Variants in CYP20A1 observed in about 807,000 individuals in gnomAD.
The protein encoded by CYP20A1 is cytochrome P450 20A1.
CYP20A1 carries 61 observed loss-of-function variants against 61.4 expected under a neutral mutation model. That is an observed-to-expected ratio of 0.99 (90% CI 0.81 to 1.23). CYP20A1 has a LOEUF of 1.23. CYP20A1 is among the 50% of genes most tolerant of loss of function. The probability of loss-of-function intolerance (pLI) is 0.00; values close to 1 mark genes in which losing one functional copy is unlikely to be tolerated. For synonymous variants in CYP20A1, 193 were observed against 188.2 expected, an observed-to-expected ratio of 1.03 and a Z score of -0.21; for missense variants, 530 against 542.4, an observed-to-expected ratio of 0.98 and a Z score of 0.23.
chr2:203,281,542 C>T (rs933174000), intron 8 of CYP20A1, among the ~76,000 whole-genome samples: 3 of 151,090 alleles, frequency 2.0e-5, no homozygotes, highest in African/African-American at 7.3e-5. Flanking sequence ...GTGACTCATG[C>T]CTGTAATCCC....
chr2:203,283,936 A>G (rs1023193404), intron 8 of CYP20A1, among the ~76,000 whole-genome samples: 1 of 152,174 alleles, frequency 6.6e-6, no homozygotes, highest in Non-Finnish European at 1.5e-5. Context: ...CTTCAGTTGT[A>G]TATTACTCTA....
intron 5 of CYP20A1, among the ~76,000 whole-genome samples, chr2:203,269,497 CTT>C (rs373653086): frequency 7.2e-5 from 10 of 139,418 alleles, no homozygotes; most frequent in Non-Finnish European, 3.1e-5. Context: ...ATATATAGTT[CTT>C]TTTTTTTTTT....
chr2:203,296,314 A>T (rs1187870815), intron 11 of CYP20A1, among the ~76,000 whole-genome samples, 160 bp from the exon 12 acceptor site: 2 of 152,218 alleles, frequency 1.3e-5, no homozygotes, highest in Non-Finnish European at 2.9e-5. Flanking sequence ...TATGTTAAAT[A>T]ATTTGGGAAC....
At chr2:203,250,889 C>T (rs1184692826) in intron 3 of CYP20A1, among the ~76,000 whole-genome samples, 1 of 151,622 alleles carries the variant, frequency 6.6e-6, no homozygotes, top group Admixed American at 6.6e-5. Context: ...ACGGTGAAAC[C>T]CCATCTCCAC....
rs776875579 is a variant in CYP20A1, at chr2:203,266,496, T to C, written c.433-18T>C. On this transcript the variant is annotated intron_variant, in intron 4 of 12. Transcript: ENST00000356079. Reference sequence around the variant, plus strand: ...AAAGAAGAAACAGTAATCATTGTGCTTTTCTGTTCTCTTTCAGCTTTCAGA... The same window carrying C: ...AAAGAAGAAACAGTAATCATTGTGCCTTTCTGTTCTCTTTCAGCTTTCAGA... 4 of 1,607,904 alleles carry C rather than the reference T, an allele frequency of 2.5e-6. No individual in the cohort carries two copies. The highest frequency in any genetic ancestry group is 3.4e-6 in the Non-Finnish European group (4 of 1,174,638).
At chr2:203,270,297 G>A (rs1437667656) in intron 5 of CYP20A1, among the ~76,000 whole-genome samples, 2 of 151,990 alleles carry the variant, frequency 1.3e-5, no homozygotes, top group Non-Finnish European at 2.9e-5. Context: ...TTATACTTTT[G>A]TTAAACACTT....
At chr2:203,266,112 A>C (rs553488349) in intron 4 of CYP20A1, among the ~76,000 whole-genome samples, 2 of 152,326 alleles carry the variant, frequency 1.3e-5, no homozygotes, top group African/African-American at 4.8e-5. Context: ...AAGTATGTTT[A>C]GGACTTTTAT....
intron 1 of CYP20A1, among the ~76,000 whole-genome samples, chr2:203,239,603 C>T (rs1007831529): frequency 6.6e-6 from 1 of 152,178 alleles, no homozygotes; most frequent in East Asian, 1.9e-4. Flanking sequence ...TCCATCTGTC[C>T]ATCGATCTAT....
In CYP20A1 at chr2:203,300,598, A is replaced by G. The variant is rs1012845208; in HGVS notation, c.*3690A>G. Among the ~76,000 whole-genome samples, 1 of 152,194 alleles carries G rather than the reference A, an allele frequency of 6.6e-6. No homozygotes were observed. Among genetic ancestry groups the G allele is most frequent in the African/African-American group, 2.4e-5 (1 of 41,452 alleles). ...TAGTTCAGAAGTGTATTGTTAAAAAACATAAGCATGGCCGGGCACAGTGGC... is the reference window on the plus strand; with the variant it reads ...TAGTTCAGAAGTGTATTGTTAAAAAGCATAAGCATGGCCGGGCACAGTGGC... On this transcript the variant is annotated 3_prime_UTR_variant, in exon 13 of 13. Transcript: ENST00000356079.
chr2:203,275,029 A>T (rs565272098), intron 6 of CYP20A1, among the ~76,000 whole-genome samples: 1 of 152,340 alleles, frequency 6.6e-6, no homozygotes, highest in African/African-American at 2.4e-5. Context: ...CCATGACTGG[A>T]TCAGAGCTTC....
chr2:203,261,520 T>G (rs1382903509), intron 4 of CYP20A1, among the ~76,000 whole-genome samples: 2 of 137,244 alleles, frequency 1.5e-5, no homozygotes, highest in African/African-American at 5.4e-5. Context: ...GATGCAGTGC[T>G]CAGTGATCAC....
chr2:203,247,956 T>C (rs1373805706), intron 3 of CYP20A1, among the ~76,000 whole-genome samples: 1 of 152,154 alleles, frequency 6.6e-6, no homozygotes, highest in Non-Finnish European at 1.5e-5. Flanking sequence ...CCAGGCATAG[T>C]GGCTCACACC....
intron 9 of CYP20A1, among the ~76,000 whole-genome samples, chr2:203,287,658 G>T (rs72938355): frequency 0.45 from 68,327 of 151,968 alleles, 17,027 homozygotes; most frequent in Middle Eastern, 0.67. Flanking sequence ...GCATGATAGA[G>T]TGTCACTGCA....
At chr2:203,258,003 G>GT in intron 4 of CYP20A1, among the ~76,000 whole-genome samples, 260 of 151,350 alleles carry the variant, frequency 1.7e-3, no homozygotes, top group South Asian at 4.2e-3. Context: ...CTGGGCTGAA[G>GT]GGATCCTCCT....
Position 203,296,853 on chromosome 2 carries a change from A to G in CYP20A1, c.1334A>G (p.Glu445Gly), listed in dbSNP as rs2068821439. The change falls in exon 13 of 13, where the codon GAA becomes GGA. Residue 445 changes from glutamate to glycine, a missense_variant. Coordinates refer to ENST00000356079, the MANE Select transcript of CYP20A1 (RefSeq NM_177538.3). The stretch of plus-strand genomic sequence containing the variant: ...GGACAGGTTATTGAAACAAAGTATG[A>G]ACTGGTAACATCATCAAGGGAAGAA... ...VEGQVIETKY[E>G]LVTSSREEAW... The G allele has an allele frequency of 3.7e-6, 6 of 1,610,580 alleles. No homozygotes were observed. The highest frequency in any genetic ancestry group is 1.1e-5 in the South Asian group (1 of 90,254).
intron 4 of CYP20A1, among the ~76,000 whole-genome samples, chr2:203,260,954 T>C (rs1448154815): frequency 6.6e-6 from 1 of 152,238 alleles, no homozygotes; most frequent in East Asian, 1.9e-4. Context: ...TTTCTCTCTC[T>C]CTCTTTTTTC....
At chr2:203,267,696 T>G (rs1005716805) in intron 5 of CYP20A1, among the ~76,000 whole-genome samples, 1 of 151,864 alleles carries the variant, frequency 6.6e-6, no homozygotes, top group Admixed American at 6.6e-5. Context: ...ATACAAAAAT[T>G]TGCTGGGCGT....
chr2:203,244,462 G>T (rs2066377739), intron 1 of CYP20A1, among the ~76,000 whole-genome samples: 1 of 152,060 alleles, frequency 6.6e-6, no homozygotes, highest in African/African-American at 2.4e-5. Flanking sequence ...GCCTCCAAAA[G>T]TGCTGGGATT....
At chr2:203,246,983 G>A (rs1259365775) in intron 3 of CYP20A1, 62 bp downstream of exon 3, 12 of 1,508,290 alleles carry the variant, frequency 8.0e-6, no homozygotes, top group South Asian at 7.3e-5. Context: ...TGTTTAGGCT[G>A]GGCACGGTGG....
Sources: allele counts gnomAD v4.1 joint callset (sites outside exome capture counted in the v4.1 genomes callset), GRCh38; gene constraint gnomAD v4.1.1; transcripts MANE v1.5; gene names NCBI Gene and HGNC (gene_info 2026-07-23, HGNC 2026-07-21).